Variants in KIAA1328 observed in about 807,000 individuals in gnomAD.
KIAA1328 encodes protein hinderin.
A neutral mutation model predicts 68.1 loss-of-function variants in KIAA1328; 52 were observed. The ratio of observed to expected loss-of-function variants is 0.76; its 90% CI spans 0.61 to 0.96. KIAA1328 has a LOEUF of 0.96. Among genes scored for constraint, KIAA1328 ranks in the 40% least tolerant of loss-of-function variants. The pLI, the probability that KIAA1328 is intolerant of heterozygous loss-of-function variation, is 0.00. For missense variants in KIAA1328, 641 were observed against 677.6 expected, an observed-to-expected ratio of 0.95 and a Z score of 0.60; for synonymous variants, 232 against 239.4, an observed-to-expected ratio of 0.97 and a Z score of 0.28.
chr18:36,948,710 C>T (rs903094447), intron 5 of KIAA1328, among the ~76,000 whole-genome samples: 1 of 151,946 alleles, frequency 6.6e-6, no homozygotes, highest in African/African-American at 2.4e-5. Flanking sequence ...CCACCACGCC[C>T]AGCTAATTTT....
chr18:37,006,677 C>A (rs2053797370), intron 6 of KIAA1328, among the ~76,000 whole-genome samples: 1 of 151,958 alleles, frequency 6.6e-6, no homozygotes, highest in Admixed American at 6.6e-5. Context: ...GCTCCCCCAA[C>A]CCCATGACAG....
At chr18:37,041,305 C>T (rs1051533182) in intron 6 of KIAA1328, among the ~76,000 whole-genome samples, 1 of 152,004 alleles carries the variant, frequency 6.6e-6, no homozygotes, top group African/African-American at 2.4e-5. Flanking sequence ...AAATGACCTT[C>T]TTCATATATA....
chr18:37,157,803 T>A (rs138325125), intron 7 of KIAA1328, among the ~76,000 whole-genome samples: 1,871 of 100,310 alleles, frequency 0.019, 39 homozygotes, highest in African/African-American at 0.067. Flanking sequence ...GTGAGACTCC[T>A]CTCCAAAAAA....
At chr18:36,946,232 T>A (rs892211008) in intron 5 of KIAA1328, 2 of 152,152 alleles carry the variant, frequency 1.3e-5, no homozygotes, top group Admixed American at 1.3e-4. Flanking sequence ...ATATGCTTCC[T>A]TCCAAAACAA....
chr18:37,099,290 G>T (rs1055446764), intron 7 of KIAA1328, among the ~76,000 whole-genome samples: 7 of 152,160 alleles, frequency 4.6e-5, no homozygotes, highest in Admixed American at 1.3e-4. Flanking sequence ...GTTCTCATTG[G>T]TTTCAAAGAA....
At chr18:37,195,516 G>T (rs1468727811) in intron 9 of KIAA1328, among the ~76,000 whole-genome samples, 1 of 152,138 alleles carries the variant, frequency 6.6e-6, no homozygotes, top group African/African-American at 2.4e-5. Flanking sequence ...GAGATCCCAT[G>T]AATATCCAGT....
chr18:37,190,973 G>A (rs1228933499), intron 9 of KIAA1328, among the ~76,000 whole-genome samples: 2 of 152,172 alleles, frequency 1.3e-5, no homozygotes, highest in Non-Finnish European at 2.9e-5. Context: ...TACTGCTAGA[G>A]CACTTGGGAG....
At chr18:36,913,537 A>G (rs1324984577) in intron 5 of KIAA1328, among the ~76,000 whole-genome samples, 1 of 34,294 alleles carries the variant, frequency 2.9e-5, no homozygotes, top group East Asian at 1.1e-3. Context: ...GAGGAAAGCA[A>G]CTGCCTACAC....
intron 5 of KIAA1328, among the ~76,000 whole-genome samples, chr18:36,898,961 T>C (rs1177616540): frequency 6.6e-6 from 1 of 152,014 alleles, no homozygotes; most frequent in Non-Finnish European, 1.5e-5. Flanking sequence ...TTTAGTTCTT[T>C]TAAATCTTTA....
chr18:36,874,859 A>G (rs57401875), intron 4 of KIAA1328, among the ~76,000 whole-genome samples: 20,732 of 152,004 alleles, frequency 0.14, 1,757 homozygotes, highest in Admixed American at 0.18. Flanking sequence ...TTTGTGTAGG[A>G]TGTAAGGAAG....
At chr18:37,180,799 G>T (rs766959298) in intron 9 of KIAA1328, among the ~76,000 whole-genome samples, 22 of 152,078 alleles carry the variant, frequency 1.4e-4, no homozygotes, top group Non-Finnish European at 1.2e-4. Context: ...CTCTGCTGGG[G>T]TTTTCATAGT....
chr18:37,048,103 T>G (rs1405016103), intron 6 of KIAA1328, among the ~76,000 whole-genome samples: 1 of 152,210 alleles, frequency 6.6e-6, no homozygotes, highest in Non-Finnish European at 1.5e-5. Flanking sequence ...GTCCAGCATC[T>G]TAATCCTTTC....
rs184822309 is a variant in KIAA1328, at chr18:37,120,193, A to T, written c.1233-40007A>T. On this transcript the variant is annotated intron_variant, in intron 7 of 9. Coordinates refer to ENST00000280020, the MANE Select transcript of KIAA1328 (RefSeq NM_020776.3). ...GGAAGCATAGATTAAAAAAAAATTC[A>T]TCTTGATTTTACAACATACCAATTA... Among the ~76,000 whole-genome samples, 342 of 152,282 alleles carry T rather than the reference A, an allele frequency of 2.2e-3. 2 individuals are homozygous for T. Among genetic ancestry groups the T allele is most frequent in the African/African-American group, 7.9e-3 (329 of 41,580 alleles).
intron 6 of KIAA1328, among the ~76,000 whole-genome samples, chr18:36,974,670 G>A (rs2052389169): frequency 3.3e-5 from 5 of 152,110 alleles, no homozygotes; most frequent in Admixed American, 2.6e-4. Flanking sequence ...ACAGTAGTGG[G>A]ATTGCTAGAT....
At chr18:36,937,819 A>G (rs2151172521) in intron 5 of KIAA1328, among the ~76,000 whole-genome samples, 1 of 151,802 alleles carries the variant, frequency 6.6e-6, no homozygotes, top group South Asian at 2.1e-4. Flanking sequence ...CTTTATCTTC[A>G]TGAGATGTAC....
rs555397539 is a variant in KIAA1328, at chr18:37,071,146, T to G, written c.1232+3601T>G. ...GTGCAGTGGCACGATCATGGCTCAC[T>G]GCTGCAGCCTTGACCTCCTGGGCTC... On this transcript the variant is annotated intron_variant, in intron 7 of 9. Coordinates refer to ENST00000280020, the MANE Select transcript of KIAA1328 (RefSeq NM_020776.3). 5.3e-4 allele frequency among the ~76,000 whole-genome samples: 74 copies of G among 139,540 alleles called. 2 individuals carry two copies. The South Asian group carries it at 0.018, about 34-fold the overall frequency. 91.5% of individuals were successfully genotyped at this position (139,540 alleles called of 152,430 possible).
chr18:37,073,817 A>G (rs958602954), intron 7 of KIAA1328, among the ~76,000 whole-genome samples: 3 of 152,310 alleles, frequency 2.0e-5, no homozygotes, highest in Non-Finnish European at 2.9e-5. Context: ...TTTATGATGC[A>G]TGCTTTACTA....
intron 9 of KIAA1328, among the ~76,000 whole-genome samples, chr18:37,216,509 T>A (rs1375261736): frequency 1.3e-5 from 2 of 151,494 alleles, no homozygotes; most frequent in African/African-American, 4.8e-5. Flanking sequence ...TGGTTGTGAT[T>A]TCTGCTCTTT....
intron 4 of KIAA1328, among the ~76,000 whole-genome samples, chr18:36,885,272 A>G (rs2048459546): frequency 6.6e-6 from 1 of 152,182 alleles, no homozygotes; most frequent in South Asian, 2.1e-4. Context: ...GTCCTGGATT[A>G]TAATTTGGCA....
Sources: allele counts gnomAD v4.1 joint callset (sites outside exome capture counted in the v4.1 genomes callset), GRCh38; gene constraint gnomAD v4.1.1; transcripts MANE v1.5; gene names NCBI Gene and HGNC (gene_info 2026-07-23, HGNC 2026-07-21).